Variants in CADM2 observed in about 807,000 individuals in gnomAD.
CADM2 encodes cell adhesion molecule 2.
CADM2 carries 12 observed loss-of-function variants against 49.8 expected under a neutral mutation model. The observed-to-expected ratio is 0.24, with a 90% CI of 0.15 to 0.39. The LOEUF (loss-of-function observed/expected upper bound fraction) is 0.39, where lower values mean the gene tolerates loss of function less well. CADM2 is among the 10% of genes least tolerant of loss of function. The probability of loss-of-function intolerance (pLI) is 1.00; values close to 1 mark genes in which losing one functional copy is unlikely to be tolerated. For synonymous variants in CADM2, 214 were observed against 175.4 expected, an observed-to-expected ratio of 1.22 and a Z score of -1.74; for missense variants, 378 against 492.3, an observed-to-expected ratio of 0.77 and a Z score of 2.20.
intron 1 of CADM2, among the ~76,000 whole-genome samples, chr3:85,022,577 T>A (rs530531165): frequency 1.1e-4 from 16 of 152,338 alleles, no homozygotes; most frequent in Admixed American, 9.2e-4. Context: ...TGGTTCCTCA[T>A]TGGATGAACC....
At chr3:85,658,648 G>C (rs900628446) in intron 1 of CADM2, among the ~76,000 whole-genome samples, 17 of 143,246 alleles carry the variant, frequency 1.2e-4, no homozygotes, top group Non-Finnish European at 2.6e-4. Flanking sequence ...TTATGTGTGT[G>C]TGTTCTTGAT....
intron 1 of CADM2, among the ~76,000 whole-genome samples, chr3:85,098,259 A>G (rs1159952763): frequency 7.3e-6 from 1 of 136,168 alleles, no homozygotes; most frequent in Non-Finnish European, 1.7e-5. Flanking sequence ...TATCGTAGAA[A>G]AAAAAAAAAA....
At chr3:85,055,470 A>C (rs569584640) in intron 1 of CADM2, among the ~76,000 whole-genome samples, 6 of 151,998 alleles carry the variant, frequency 3.9e-5, no homozygotes, top group Non-Finnish European at 5.9e-5. Context: ...TGGTGTCATC[A>C]TCAGGTAGGA....
chr3:85,345,712 G>C (rs943276109), intron 1 of CADM2, among the ~76,000 whole-genome samples: 12 of 152,118 alleles, frequency 7.9e-5, no homozygotes, highest in African/African-American at 2.7e-4. Context: ...CGATTGGGTT[G>C]GTTCTTTTTG....
chr3:85,774,639 C>CT, intron 2 of CADM2, among the ~76,000 whole-genome samples: 1 of 151,148 alleles, frequency 6.6e-6, no homozygotes, highest in Admixed American at 6.6e-5. Context: ...AAGAATAGCT[C>CT]TGGAATTAGA....
intron 8 of CADM2, among the ~76,000 whole-genome samples, chr3:85,995,538 G>A (rs60447537): frequency 0.063 from 9,631 of 152,070 alleles, 803 homozygotes; most frequent in African/African-American, 0.19. Context: ...AGCCTTCAAA[G>A]CCATTTAACC....
intron 3 of CADM2, among the ~76,000 whole-genome samples, chr3:85,852,091 A>T (rs2075130299): frequency 2.0e-5 from 3 of 152,062 alleles, no homozygotes; most frequent in Non-Finnish European, 4.4e-5. Flanking sequence ...CTTTCCATCC[A>T]CATATAATTT....
intron 1 of CADM2, among the ~76,000 whole-genome samples, chr3:85,456,733 C>T (rs1211072802): frequency 2.0e-5 from 3 of 151,692 alleles, no homozygotes; most frequent in Admixed American, 1.3e-4. Context: ...TATAGGCCTA[C>T]TTTTTTCAGT....
At chr3:85,463,026 C>G (rs975823829) in intron 1 of CADM2, among the ~76,000 whole-genome samples, 1 of 152,082 alleles carries the variant, frequency 6.6e-6, no homozygotes, top group African/African-American at 2.4e-5. Context: ...CACTATAGTA[C>G]CCACATCATA....
chr3:85,607,135 A>T (rs1351079918), intron 1 of CADM2, among the ~76,000 whole-genome samples: 2 of 152,172 alleles, frequency 1.3e-5, no homozygotes, highest in African/African-American at 2.4e-5. Flanking sequence ...AGAGAAAAAA[A>T]ATTAAGAGGT....
chr3:86,003,219 G>C (rs970163288), intron 8 of CADM2, among the ~76,000 whole-genome samples: 1 of 152,100 alleles, frequency 6.6e-6, no homozygotes. Flanking sequence ...TAACTCCCAG[G>C]GTTCTTAAGC....
intron 3 of CADM2, among the ~76,000 whole-genome samples, chr3:85,861,564 T>C (rs949513589): frequency 1.3e-5 from 2 of 152,102 alleles, no homozygotes; most frequent in Non-Finnish European, 2.9e-5. Flanking sequence ...GTTGTGTACA[T>C]CCCCTGGAGG....
At chr3:85,348,322 A>C (rs528410259) in intron 1 of CADM2, among the ~76,000 whole-genome samples, 122 of 152,278 alleles carry the variant, frequency 8.0e-4, no homozygotes, top group African/African-American at 2.6e-3. Flanking sequence ...ATGAAAGGTG[A>C]GCTTCTTCAA....
intron 1 of CADM2, among the ~76,000 whole-genome samples, chr3:84,988,625 C>G (rs2032718790): frequency 6.6e-6 from 1 of 151,962 alleles, no homozygotes; most frequent in Non-Finnish European, 1.5e-5. Context: ...TGGCCACCTC[C>G]TTTTTTTTCT....
intron 1 of CADM2, among the ~76,000 whole-genome samples, chr3:85,623,890 A>G (rs79398710): frequency 0.024 from 3,606 of 152,212 alleles, 57 homozygotes; most frequent in Non-Finnish European, 0.036. Flanking sequence ...TTATGGAATT[A>G]TTGTGGATCA....
intron 8 of CADM2, among the ~76,000 whole-genome samples, chr3:86,009,135 ATATATATATAGATATATATATATAGG>A (rs1731166607): frequency 1.4e-5 from 2 of 143,770 alleles, no homozygotes; most frequent in African/African-American, 5.3e-5. Flanking sequence ...GTGTATATAG[ATATATATATAGATATATATATATAGG>A]TATATATATA....
intron 3 of CADM2, among the ~76,000 whole-genome samples, chr3:85,859,275 G>C (rs2099736942): frequency 1.6e-5 from 2 of 121,218 alleles, no homozygotes; most frequent in Admixed American, 2.2e-4. Context: ...CTGTCACCCA[G>C]GCTGGAGTGC....
intron 1 of CADM2, among the ~76,000 whole-genome samples, chr3:85,401,747 G>A (rs113747152): frequency 0.02 from 3,012 of 152,094 alleles, 86 homozygotes; most frequent in African/African-American, 0.067. Flanking sequence ...AAGGAAAGAG[G>A]GGACCTTTAC....
chr3:85,442,776 C>A (rs2037273684), intron 1 of CADM2, among the ~76,000 whole-genome samples: 2 of 151,082 alleles, frequency 1.3e-5, no homozygotes, highest in South Asian at 4.2e-4. Context: ...AAACCTAAGA[C>A]AACCTGCATG....
Sources: allele counts gnomAD v4.1 joint callset (sites outside exome capture counted in the v4.1 genomes callset), GRCh38; gene constraint gnomAD v4.1.1; transcripts MANE v1.5; gene names NCBI Gene and HGNC (gene_info 2026-07-23, HGNC 2026-07-21).